DLGAP2: variants seen among roughly 807,000 people sequenced by gnomAD.
DLGAP2 encodes DLG associated protein 2, also known as disks large-associated protein 2.
A neutral mutation model predicts 100.3 loss-of-function variants in DLGAP2; 26 were observed. The ratio of observed to expected loss-of-function variants is 0.26; its 90% CI spans 0.19 to 0.36. The LOEUF (loss-of-function observed/expected upper bound fraction) is 0.36. Among genes scored for constraint, DLGAP2 ranks in the 10% least tolerant of loss-of-function variants. The probability of loss-of-function intolerance (pLI) is 1.00; values close to 1 mark genes in which losing one functional copy is unlikely to be tolerated. For missense variants in DLGAP2, 1,858 were observed against 1,453.2 expected, an observed-to-expected ratio of 1.28 and a Z score of -4.53; for synonymous variants, 886 against 630.1, an observed-to-expected ratio of 1.41 and a Z score of -6.08.
At chr8:835,600 G>A (rs976926185) in intron 1 of DLGAP2, among the ~76,000 whole-genome samples, 7 of 151,856 alleles carry the variant, frequency 4.6e-5, no homozygotes, top group Non-Finnish European at 1.0e-4. Context: ...CTGCTGACAG[G>A]GCTTCTCTCC....
chr8:1,453,477 T>G (rs551327584), intron 3 of DLGAP2, among the ~76,000 whole-genome samples: 4 of 152,318 alleles, frequency 2.6e-5, no homozygotes, highest in African/African-American at 9.6e-5. Context: ...GAGTGTATGC[T>G]GGAGTGTTGG....
chr8:1,514,370 C>G (rs1192811172), intron 4 of DLGAP2, among the ~76,000 whole-genome samples: 2 of 152,244 alleles, frequency 1.3e-5, no homozygotes, highest in African/African-American at 4.8e-5. Context: ...TTCCTGCTTT[C>G]TGTTTCACAT....
At chr8:1,576,028 T>C (rs1028271916) in intron 6 of DLGAP2, among the ~76,000 whole-genome samples, 30 of 152,312 alleles carry the variant, frequency 2.0e-4, no homozygotes, top group African/African-American at 5.3e-4. Context: ...TTCTAGATCC[T>C]TGAGGAATCG....
intron 2 of DLGAP2, among the ~76,000 whole-genome samples, chr8:956,631 G>A (rs527594438): frequency 2.0e-5 from 3 of 152,296 alleles, no homozygotes; most frequent in Non-Finnish European, 2.9e-5. Context: ...TGCTGCCTCC[G>A]TTTTCCTACA....
rs567707286 is a variant in DLGAP2 at position 1,224,323 on chromosome 8, C to T, written c.74-34528C>T. The stretch of plus-strand genomic sequence containing the variant: ...TAATTGACATGCGTATTTGTAACTA[C>T]CGTCAAGTAGGAAAAATTTTCACTG... On this transcript the variant is annotated intron_variant, in intron 2 of 14. Coordinates refer to ENST00000637795, the MANE Select transcript of DLGAP2 (RefSeq NM_001346810.2). Among the ~76,000 whole-genome samples the T allele has an allele frequency of 2.0e-5, 3 of 152,288 alleles. No homozygotes were observed. The South Asian group carries it at 6.2e-4, about 32-fold the overall frequency.
At chr8:1,517,243 G>C (rs528075513) in intron 4 of DLGAP2, among the ~76,000 whole-genome samples, 1 of 152,298 alleles carries the variant, frequency 6.6e-6, no homozygotes, top group African/African-American at 2.4e-5. Flanking sequence ...TGGGGAGGAA[G>C]AAGTCAAGCC....
chr8:1,659,066 A>T (rs1461657577), intron 8 of DLGAP2, among the ~76,000 whole-genome samples: 1 of 152,060 alleles, frequency 6.6e-6, no homozygotes, highest in East Asian at 1.9e-4. Context: ...GTTTCAAATA[A>T]CTTATTTATT....
chr8:1,141,238 A>G (rs1796517093), intron 2 of DLGAP2, among the ~76,000 whole-genome samples: 1 of 152,192 alleles, frequency 6.6e-6, no homozygotes, highest in African/African-American at 2.4e-5. Flanking sequence ...CTGAGATTAG[A>G]GAAAGGTGTT....
intron 10 of DLGAP2, 77 bp downstream of exon 10, chr8:1,669,861 C>T: frequency 1.3e-6 from 1 of 776,236 alleles, no homozygotes; most frequent in Non-Finnish European, 2.4e-6. Context: ...GTTCATGCGA[C>T]CGCTCTTGTC....
At chr8:986,720 T>C (rs1250803515) in intron 2 of DLGAP2, among the ~76,000 whole-genome samples, 1 of 151,544 alleles carries the variant, frequency 6.6e-6, no homozygotes, top group African/African-American at 2.4e-5. Context: ...AGTGCAATGA[T>C]GCAATCTTGG....
intron 3 of DLGAP2, among the ~76,000 whole-genome samples, chr8:1,344,170 C>CGGGGCCCTGTCGTAAGTCCGTGTACTG (rs1801498756): frequency 1.8e-5 from 1 of 56,586 alleles, no homozygotes; most frequent in Admixed American, 1.9e-4. Flanking sequence ...TCTTTGTACT[C>CGGGGCCCTGTCGTAAGTCCGTGTACTG]GGGGCGCTGT....
chr8:792,133 A>T (rs937337094), intron 1 of DLGAP2, among the ~76,000 whole-genome samples: 2 of 152,242 alleles, frequency 1.3e-5, no homozygotes, highest in Non-Finnish European at 1.5e-5. Context: ...ATTAAATTCC[A>T]AGAGTTCTAG....
At chr8:1,345,832 C>T (rs1004224752) in intron 3 of DLGAP2, among the ~76,000 whole-genome samples, 1 of 152,210 alleles carries the variant, frequency 6.6e-6, no homozygotes, top group Non-Finnish European at 1.5e-5. Flanking sequence ...GTAAAATTAA[C>T]TGAGCGTGCT....
intron 2 of DLGAP2, among the ~76,000 whole-genome samples, chr8:1,165,893 G>A (rs1282497818): frequency 6.6e-6 from 1 of 151,290 alleles, no homozygotes; most frequent in Non-Finnish European, 1.5e-5. Context: ...TCATAGATGT[G>A]CCACTTTTAA....
intron 12 of DLGAP2, among the ~76,000 whole-genome samples, chr8:1,679,710 G>A (rs541863972): frequency 3.3e-5 from 5 of 152,296 alleles, no homozygotes; most frequent in Admixed American, 1.3e-4. Flanking sequence ...GGCCAGGCAC[G>A]GTGGCTCACG....
intron 12 of DLGAP2, among the ~76,000 whole-genome samples, chr8:1,683,161 A>G (rs997009007): frequency 5.3e-5 from 8 of 151,790 alleles, no homozygotes; most frequent in African/African-American, 1.9e-4. Flanking sequence ...TAAGAGAAGT[A>G]CAGATAAAGT....
intron 3 of DLGAP2, among the ~76,000 whole-genome samples, chr8:1,317,652 G>T (rs7386949): frequency 0.11 from 11,808 of 104,768 alleles, 235 homozygotes; most frequent in East Asian, 0.18. Context: ...ACTCGGCAGC[G>T]TTTAAAAATA....
chr8:1,639,269 C>T (rs1797841347), intron 8 of DLGAP2, among the ~76,000 whole-genome samples: 1 of 152,156 alleles, frequency 6.6e-6, no homozygotes, highest in African/African-American at 2.4e-5. Flanking sequence ...AAGGGGCCTC[C>T]AGAAGGAGCA....
intron 4 of DLGAP2, among the ~76,000 whole-genome samples, chr8:1,547,220 C>T (rs891854120): frequency 6.6e-6 from 1 of 152,316 alleles, no homozygotes; most frequent in Non-Finnish European, 1.5e-5. Flanking sequence ...GCTTGGACGT[C>T]TGGTCTGGGC....
Sources: gnomAD v4.1 joint callset for allele counts (sites outside exome capture counted in the v4.1 genomes callset) on GRCh38, gnomAD v4.1.1 for gene constraint, MANE v1.5 for transcripts, NCBI Gene and HGNC (gene_info 2026-07-23, HGNC 2026-07-21) for gene names.